ZCWPW2: variants seen among roughly 807,000 people sequenced by gnomAD.
ZCWPW2 encodes zinc finger CW-type PWWP domain protein 2.
ZCWPW2 carries 45 observed loss-of-function variants against 46.6 expected under a neutral mutation model. That is an observed-to-expected ratio of 0.96 (90% CI 0.76 to 1.24). The LOEUF (loss-of-function observed/expected upper bound fraction) is 1.24. Ranked by LOEUF, ZCWPW2 falls within the 50% of genes most tolerant of loss-of-function variation. ZCWPW2 has a pLI of 0.00. For synonymous variants in ZCWPW2, 152 were observed against 137.1 expected, an observed-to-expected ratio of 1.11 and a Z score of -0.76; for missense variants, 429 against 403.9, an observed-to-expected ratio of 1.06 and a Z score of -0.53.
Position 28,356,579 on chromosome 3 carries a change from C to T in ZCWPW2, c.-134+7376C>T, listed in dbSNP as rs1237599189. On this transcript the variant is annotated intron_variant, in intron 1 of 9. Coordinates refer to ENST00000383768, the MANE Select transcript of ZCWPW2 (RefSeq NM_001040432.4). ...CATATGTTTGTTGCGGCACTATTCA[C>T]GATAGCAAAGACTTGGAACTAACCC... Among the ~76,000 whole-genome samples, 5 of 152,138 alleles carry T rather than the reference C, an allele frequency of 3.3e-5. No homozygotes were observed. In the East Asian group the frequency reaches 5.8e-4, roughly 18 times the overall value.
In ZCWPW2 at chr3:28,478,807, T is replaced by C. The variant is rs1422855519; in HGVS notation, c.493-7T>C. ...TGAATTTTTTTCTTTTTTCTGTATTTATATAGCCAGAAAAGTGTAAGAATA... is the reference window on the plus strand; with the variant it reads ...TGAATTTTTTTCTTTTTTCTGTATTCATATAGCCAGAAAAGTGTAAGAATA... On this transcript the variant is annotated splice_polypyrimidine_tract_variant and splice_region_variant and intron_variant, in intron 4 of 9. Coordinates refer to ENST00000383768, the MANE Select transcript of ZCWPW2 (RefSeq NM_001040432.4). 8 of 1,475,616 alleles carry C rather than the reference T, an allele frequency of 5.4e-6. No individual in the cohort carries two copies. The highest frequency in any genetic ancestry group is 7.2e-6 in the Non-Finnish European group (8 of 1,104,702). The allele number at this position is 1,475,616 out of a possible 1,614,324, so 91.4% of individuals were successfully genotyped here.
intron 6 of ZCWPW2, among the ~76,000 whole-genome samples, chr3:28,509,215 G>A (rs571510083): frequency 7.2e-5 from 11 of 152,024 alleles, no homozygotes; most frequent in Admixed American, 2.6e-4. Context: ...ATGGATATAC[G>A]ACACTTTATC....
chr3:28,348,949 A>G lies in ZCWPW2; in HGVS notation c.-388A>G, dbSNP rs868643496. 9 of 985,314 alleles carry G rather than the reference A, an allele frequency of 9.1e-6. No homozygotes were observed. In the South Asian group the frequency reaches 1.4e-4, roughly 15 times the overall value. 61.0% of individuals were successfully genotyped at this position (985,314 alleles called of 1,614,324 possible). On this transcript the variant is annotated 5_prime_UTR_variant, in exon 1 of 10. Transcript: ENST00000383768. ...GCCGGAGGGAGGGGAAGCACTCCGGAAAGTGATTGGAAGTGTGGATGAGCT... is the reference window on the plus strand; with the variant it reads ...GCCGGAGGGAGGGGAAGCACTCCGGGAAGTGATTGGAAGTGTGGATGAGCT...
chr3:28,438,852 C>A (rs1697603245), intron 4 of ZCWPW2, among the ~76,000 whole-genome samples: 1 of 151,502 alleles, frequency 6.6e-6, no homozygotes, highest in East Asian at 1.9e-4. Context: ...ATAAGAAAAC[C>A]AAAAGAAATT....
intron 4 of ZCWPW2, among the ~76,000 whole-genome samples, chr3:28,455,617 G>A (rs977430206): frequency 6.6e-6 from 1 of 151,834 alleles, no homozygotes; most frequent in Middle Eastern, 3.2e-3. Flanking sequence ...TATAGTTTTG[G>A]GTTTTACATT....
chr3:28,515,916 T>C (rs1214989210), intron 8 of ZCWPW2, among the ~76,000 whole-genome samples: 1 of 152,142 alleles, frequency 6.6e-6, no homozygotes, highest in Admixed American at 6.5e-5. Flanking sequence ...AATTGAATTT[T>C]CTCTGTCTCA....
intron 4 of ZCWPW2, among the ~76,000 whole-genome samples, chr3:28,475,862 C>A (rs1166258056): frequency 6.6e-6 from 1 of 152,062 alleles, no homozygotes; most frequent in Non-Finnish European, 1.5e-5. Flanking sequence ...TCATGATCAC[C>A]CTGACTTTGC....
At chr3:28,382,676 A>G (rs1695147192) in intron 1 of ZCWPW2, among the ~76,000 whole-genome samples, 1 of 152,130 alleles carries the variant, frequency 6.6e-6, no homozygotes, top group African/African-American at 2.4e-5. Flanking sequence ...TAGTTTAATA[A>G]AAGAGAAAAA....
At chr3:28,382,614 G>T (rs902534869) in intron 1 of ZCWPW2, among the ~76,000 whole-genome samples, 2 of 152,044 alleles carry the variant, frequency 1.3e-5, no homozygotes, top group African/African-American at 4.8e-5. Flanking sequence ...ACAATTTATA[G>T]AATCCTTTTA....
At position 28,466,063 on chromosome 3, in the gene ZCWPW2, A is replaced by G. The variant is rs148381760; in HGVS notation, c.493-12751A>G. The stretch of plus-strand genomic sequence containing the variant: ...AGTCAGAGGTCATTATCCTAAGAGA[A>G]TCAGTGCAGGAACAGAAAGCCAAAT... On this transcript the variant is annotated intron_variant, in intron 4 of 9. Coordinates refer to ENST00000383768, the MANE Select transcript of ZCWPW2 (RefSeq NM_001040432.4). 5.6e-3 allele frequency among the ~76,000 whole-genome samples: 856 copies of G among 152,298 alleles called. 9 individuals are homozygous for G. Among genetic ancestry groups the G allele is most frequent in the African/African-American group, 0.019 (792 of 41,566 alleles).
intron 4 of ZCWPW2, among the ~76,000 whole-genome samples, chr3:28,451,732 A>G (rs1347403684): frequency 1.3e-5 from 2 of 152,226 alleles, no homozygotes; most frequent in Non-Finnish European, 2.9e-5. Flanking sequence ...TGTGATAAGG[A>G]TTAGTAAACA....
intron 6 of ZCWPW2, among the ~76,000 whole-genome samples, chr3:28,500,474 G>A (rs1193197429): frequency 6.6e-6 from 1 of 151,938 alleles, no homozygotes; most frequent in Non-Finnish European, 1.5e-5. Flanking sequence ...GAAATTATGT[G>A]TATCTTTTTC....
At chr3:28,380,963 T>G (rs866949207) in intron 1 of ZCWPW2, among the ~76,000 whole-genome samples, 1,141 of 38,086 alleles carry the variant, frequency 0.03, 323 homozygotes, top group Admixed American at 0.049. Flanking sequence ...TATATATATA[T>G]ATATATATTT....
intron 3 of ZCWPW2, among the ~76,000 whole-genome samples, chr3:28,427,689 T>C (rs11710963): frequency 0.23 from 34,414 of 152,138 alleles, 4,479 homozygotes; most frequent in Non-Finnish European, 0.29. Context: ...TTGGGCCCAA[T>C]AGAGATGTGA....
At chr3:28,399,655 C>T (rs1364419122) in intron 2 of ZCWPW2, among the ~76,000 whole-genome samples, 1 of 152,138 alleles carries the variant, frequency 6.6e-6, no homozygotes, top group Non-Finnish European at 1.5e-5. Context: ...GGTAGACTTG[C>T]TGGGTGGCTA....
In ZCWPW2 at chr3:28,387,162, C is replaced by T. The variant is rs561417721; in HGVS notation, c.-133-3336C>T. On this transcript the variant is annotated intron_variant, in intron 1 of 9. Coordinates refer to ENST00000383768, the MANE Select transcript of ZCWPW2 (RefSeq NM_001040432.4). ...ACTCAAACCAATCACTCTTGGTTTT[C>T]CCAGATCCCTCCAATATTCACTATC... 9.9e-5 allele frequency among the ~76,000 whole-genome samples: 15 copies of T among 152,266 alleles called. No individual in the cohort carries two copies. In the South Asian group the frequency reaches 3.1e-3, roughly 32 times the overall value.
At chr3:28,442,046 A>G (rs921438247) in intron 4 of ZCWPW2, among the ~76,000 whole-genome samples, 1 of 152,190 alleles carries the variant, frequency 6.6e-6, no homozygotes, top group Admixed American at 6.5e-5. Flanking sequence ...CATATGGCCC[A>G]AGTGACAGAA....
intron 1 of ZCWPW2, among the ~76,000 whole-genome samples, chr3:28,368,136 T>G (rs112144769): frequency 3.3e-5 from 5 of 152,260 alleles, no homozygotes; most frequent in African/African-American, 1.2e-4. Context: ...GAGCATTTAG[T>G]CCATTTACAT....
At position 28,407,738 on chromosome 3, in the gene ZCWPW2, A is replaced by G. The variant is rs550502905; in HGVS notation, c.-13-5318A>G. Among the ~76,000 whole-genome samples, 16 of 152,332 alleles carry G rather than the reference A, an allele frequency of 1.1e-4. No homozygotes were observed. The East Asian group carries it at 2.9e-3, about 28-fold the overall frequency. ...TTGTTTTTCTGCATTTTCTAGTTCAATATAACTAAGTTATGAAATAAAAAA... is the reference window on the plus strand; with the variant it reads ...TTGTTTTTCTGCATTTTCTAGTTCAGTATAACTAAGTTATGAAATAAAAAA... On this transcript the variant is annotated intron_variant, in intron 2 of 9. Transcript: ENST00000383768.
Sources: allele counts gnomAD v4.1 joint callset (sites outside exome capture counted in the v4.1 genomes callset), GRCh38; gene constraint gnomAD v4.1.1; transcripts MANE v1.5; gene names NCBI Gene and HGNC (gene_info 2026-07-23, HGNC 2026-07-21).